Variants in MMS19 observed in about 807,000 individuals in gnomAD.
MMS19 encodes MMS19 nucleotide excision repair protein homolog.
MMS19 carries 77 observed loss-of-function variants against 129.8 expected under a neutral mutation model. The observed-to-expected ratio is 0.59, with a 90% confidence interval of 0.49 to 0.72. The LOEUF (loss-of-function observed/expected upper bound fraction) is 0.72, where lower values mean the gene tolerates loss of function less well. Ranked by LOEUF, MMS19 falls within the 30% of genes least tolerant of loss-of-function variation. The pLI is 0.00. For synonymous variants in MMS19, 491 were observed against 502.8 expected (o/e 0.98, Z 0.31); for missense variants, 1,168 against 1,266.3 (o/e 0.92, Z 1.18).
At chr10:97,465,769 C>T (rs1399520080) in intron 18 of MMS19, 36 bp downstream of exon 18, 2 of 1,593,368 alleles carry the variant, frequency 1.3e-6, no homozygotes, top group African/African-American at 1.3e-5. Flanking sequence ...GCTCCCTATT[C>T]AGCCCAGTCC....
At chr10:97,474,058 CACCAGAGT>C (rs1041461235) in intron 8 of MMS19, among the ~76,000 whole-genome samples, 1 of 149,292 alleles carries the variant, frequency 6.7e-6, no homozygotes, top group African/African-American at 2.5e-5. Flanking sequence ...GTGGGAGGAT[CACCAGAGT>C]ACCAGAGTCC....
chr10:97,479,773 T>C (rs2036420009), intron 3 of MMS19, among the ~76,000 whole-genome samples: 1 of 151,380 alleles, frequency 6.6e-6, no homozygotes, highest in Admixed American at 6.6e-5. Flanking sequence ...ATATAAACAA[T>C]GCAACCAACT....
Position 97,460,676 on chromosome 10 carries a change from G to T in MMS19, c.2469+19C>A. 6.3e-7 allele frequency: 1 copy of T among 1,577,016 alleles called. No individual in the cohort carries two copies. ...GTTTGTTTAGGTCCTGGGTTCTTCT[G>T]TCTCCAGAAAGGACGTACCCGGGCT... On this transcript the variant is annotated intron_variant, in intron 25 of 30. Transcript: ENST00000438925.
intron 1 of MMS19, among the ~76,000 whole-genome samples, chr10:97,495,185 G>A (rs1368748994): frequency 1.3e-5 from 2 of 152,150 alleles, no homozygotes; most frequent in Non-Finnish European, 2.9e-5. Flanking sequence ...AGGGAACTAC[G>A]AATAAAGGTG....
intron 1 of MMS19, among the ~76,000 whole-genome samples, chr10:97,487,457 T>C (rs1376572787): frequency 6.6e-6 from 1 of 151,944 alleles, no homozygotes; most frequent in Admixed American, 6.6e-5. Context: ...TAGCTGGGAC[T>C]ACAGGCGCCC....
At chr10:97,462,921 A>G (rs935050510) in intron 19 of MMS19, 8 of 410,782 alleles carry the variant, frequency 1.9e-5, no homozygotes, top group African/African-American at 1.4e-4. Context: ...CTAGGCCAAC[A>G]GTGGGAAAGA....
In MMS19 at chr10:97,458,916, A is replaced by G; in HGVS notation, c.2965-16T>C. 1 of 1,613,120 alleles carries G rather than the reference A, an allele frequency of 6.2e-7. No homozygotes were observed. The highest frequency in any genetic ancestry group is 8.5e-7 in the Non-Finnish European group (1 of 1,179,134). ...ACGGCAGCAGCTGTGGAGTCAGAGG[A>G]TATAATCAACCTTGCTCATCCAAGG... On this transcript the variant is annotated splice_polypyrimidine_tract_variant and intron_variant, in intron 29 of 30. Transcript: ENST00000438925.
intron 18 of MMS19, among the ~76,000 whole-genome samples, chr10:97,465,191 G>A (rs967321391): frequency 6.9e-6 from 1 of 144,614 alleles, no homozygotes; most frequent in African/African-American, 2.6e-5. Context: ...TAGTAGAGAC[G>A]GGATTGCACC....
intron 8 of MMS19, among the ~76,000 whole-genome samples, chr10:97,474,480 A>G (rs1187761016): frequency 2.6e-5 from 4 of 152,038 alleles, no homozygotes; most frequent in Non-Finnish European, 4.4e-5. Context: ...CCCCGGAGGC[A>G]GGGGTTGCAG....
intron 1 of MMS19, among the ~76,000 whole-genome samples, chr10:97,484,777 C>T (rs750530497): frequency 1.3e-5 from 2 of 152,054 alleles, no homozygotes; most frequent in Non-Finnish European, 2.9e-5. Flanking sequence ...ATTAGCCAGG[C>T]GTGGTGGCAT....
At chr10:97,472,405 T>G (rs527261232) in intron 8 of MMS19, among the ~76,000 whole-genome samples, 5 of 152,042 alleles carry the variant, frequency 3.3e-5, no homozygotes, top group South Asian at 2.1e-4. Flanking sequence ...GCCCGGCTAA[T>G]TTTTTTGTAT....
chr10:97,468,889 G>A (rs1589630276), intron 12 of MMS19, 77 bp downstream of exon 12: 36 of 1,480,770 alleles, frequency 2.4e-5, no homozygotes, highest in South Asian at 6.2e-5. Context: ...GATTACAGGC[G>A]TGAGCCACCG....
intron 19 of MMS19, 43 bp from the exon 20 acceptor site, chr10:97,462,725 G>A (rs766733012): frequency 2.4e-5 from 35 of 1,472,760 alleles, no homozygotes; most frequent in African/African-American, 1.5e-4. Flanking sequence ...AGACCATGAC[G>A]GGTTCAAGAA....
At chr10:97,486,868 T>TATATATAC (rs1371065560) in intron 1 of MMS19, among the ~76,000 whole-genome samples, 8 of 58,560 alleles carry the variant, frequency 1.4e-4, no homozygotes, top group South Asian at 7.1e-4. Flanking sequence ...GTGCCATATA[T>TATATATAC]ATATATATAT....
rs770165110 is a variant in MMS19, at chr10:97,469,866, C to G, written c.847-143G>C. Reference sequence around the variant, plus strand: ...ATTTTTAACAGTCCTACTAAGGGAACAGAGAAGTAGGAGATAACCCTGGTT... The same window carrying G: ...ATTTTTAACAGTCCTACTAAGGGAAGAGAGAAGTAGGAGATAACCCTGGTT... On this transcript the variant is annotated intron_variant, in intron 10 of 30. Coordinates refer to ENST00000438925, the MANE Select transcript of MMS19 (RefSeq NM_022362.5). 160 of 693,750 alleles carry G rather than the reference C, an allele frequency of 2.3e-4. 3 individuals carry two copies. In the East Asian group the frequency reaches 4.1e-3, roughly 18 times the overall value. 43.0% of individuals were successfully genotyped at this position (693,750 alleles called of 1,614,324 possible).
chr10:97,466,946 C>A, intron 14 of MMS19, 45 bp from the exon 15 acceptor site: 1 of 1,610,782 alleles, frequency 6.2e-7, no homozygotes, highest in South Asian at 1.1e-5. Context: ...CCACTGCATT[C>A]CATATCCCTG....
intron 1 of MMS19, among the ~76,000 whole-genome samples, chr10:97,496,342 C>T (rs1373129296): frequency 6.6e-6 from 1 of 151,820 alleles, no homozygotes; most frequent in Non-Finnish European, 1.5e-5. Flanking sequence ...ATGGTGAAAC[C>T]TCGTCACTAC....
Position 97,460,996 on chromosome 10 carries a change from C to T in MMS19, c.2323G>A (p.Asp775Asn), listed in dbSNP as rs747853834. Residue 775 changes from aspartate (D) to asparagine (N), a missense_variant, in exon 24 of 31, where the codon GAT becomes AAT. Physicochemically the swap from Asp to Asn is conservative, Grantham distance 23 (BLOSUM62 1). Coordinates refer to ENST00000438925, the MANE Select transcript of MMS19 (RefSeq NM_022362.5). The part of the protein sequence containing the change: ...LNKHPAGQQL[D>N]EFLQLAVDKV... ...TCCACAGCTAGCTGTAGGAATTCAT[C>T]CAGCTGCTGCCCTAAAAAGGAGAGA... is the stretch of plus-strand genomic sequence containing the variant. 2 of 1,559,236 alleles carry T rather than the reference C, an allele frequency of 1.3e-6. No individual in the cohort carries two copies. Among genetic ancestry groups the T allele is most frequent in the Admixed American group, 1.9e-5 (1 of 51,816 alleles).
intron 22 of MMS19, 42 bp downstream of exon 22, chr10:97,461,786 G>A: frequency 6.3e-7 from 1 of 1,582,434 alleles, no homozygotes; most frequent in South Asian, 1.2e-5. Context: ...GAGTCACCTT[G>A]TCAAGGTTAA....
Sources: allele counts gnomAD v4.1 joint callset (sites outside exome capture counted in the v4.1 genomes callset), GRCh38; gene constraint gnomAD v4.1.1; transcripts MANE v1.5; gene names NCBI Gene and HGNC (gene_info 2026-07-23, HGNC 2026-07-21).